The following HMGB1 variants were observed in gnomAD, a reference collection of about 807,000 sequenced individuals.
The protein encoded by HMGB1 is high mobility group protein B1.
For synonymous variants in HMGB1, 81 were observed against 84.0 expected (o/e 0.96, Z 0.19); for missense variants, 79 against 253.5 (o/e 0.31, Z 4.67).
chr13:30,464,419 CG>C (rs1337948523), intron 1 of HMGB1: 2 of 985,268 alleles, frequency 2.0e-6, no homozygotes, highest in Non-Finnish European at 2.4e-6. Context: ...TCCCCCAACT[CG>C]GGAAGTATTT....
chr13:30,495,289 A>G (rs1259035984), intron 1 of HMGB1, among the ~76,000 whole-genome samples: 1 of 152,118 alleles, frequency 6.6e-6, no homozygotes, highest in East Asian at 1.9e-4. Context: ...TGCAATTTCA[A>G]AGTCAAATAG....
At chr13:30,464,689 G>A (rs1312935940) in intron 1 of HMGB1, 3 of 955,720 alleles carry the variant, frequency 3.1e-6, no homozygotes, top group South Asian at 4.9e-5. Flanking sequence ...CGGAATGGCC[G>A]CTGCGCGTCT....
chr13:30,519,895 GCTTC>G (rs1888198900), intron 1 of HMGB1, among the ~76,000 whole-genome samples: 1 of 151,842 alleles, frequency 6.6e-6, no homozygotes, highest in African/African-American at 2.4e-5. Flanking sequence ...ATGAGATGAT[GCTTC>G]CTTATCACTT....
chr13:30,539,002 T>C (rs1868732475), intron 1 of HMGB1, among the ~76,000 whole-genome samples: 1 of 152,128 alleles, frequency 6.6e-6, no homozygotes, highest in Non-Finnish European at 1.5e-5. Context: ...GTTCAAGAGA[T>C]TCTCCTGCCT....
chr13:30,508,780 GCAAA>G (rs1299033347), intron 1 of HMGB1, among the ~76,000 whole-genome samples: 1 of 152,038 alleles, frequency 6.6e-6, no homozygotes, highest in African/African-American at 2.4e-5. Flanking sequence ...CAGACTATGT[GCAAA>G]CACTTTTTCA....
At chr13:30,613,321 C>A (rs1337068153) in intron 1 of HMGB1, among the ~76,000 whole-genome samples, 2 of 152,088 alleles carry the variant, frequency 1.3e-5, no homozygotes, top group South Asian at 2.1e-4. Flanking sequence ...CTGTGCCTAG[C>A]CTTACACATT....
intron 1 of HMGB1, among the ~76,000 whole-genome samples, chr13:30,552,301 T>G (rs1869463923): frequency 6.6e-6 from 1 of 152,228 alleles, no homozygotes; most frequent in African/African-American, 2.4e-5. Context: ...GACACTTTAC[T>G]CTTAAATTTT....
chr13:30,474,599 G>A (rs1298736318), intron 1 of HMGB1, among the ~76,000 whole-genome samples: 2 of 151,938 alleles, frequency 1.3e-5, no homozygotes, highest in Non-Finnish European at 2.9e-5. Flanking sequence ...CGGTCAAAGC[G>A]GTGTTTTAAA....
At chr13:30,569,965 A>G (rs1196760553) in intron 1 of HMGB1, among the ~76,000 whole-genome samples, 2 of 152,224 alleles carry the variant, frequency 1.3e-5, no homozygotes, top group Admixed American at 1.3e-4. Flanking sequence ...TAGCCTGCCT[A>G]GAAGTTTGTA....
chr13:30,514,250 G>T (rs1041007642), intron 1 of HMGB1, among the ~76,000 whole-genome samples: 3 of 151,442 alleles, frequency 2.0e-5, no homozygotes, highest in Non-Finnish European at 4.4e-5. Context: ...CATTGATTGA[G>T]TTATAAACCC....
intron 1 of HMGB1, among the ~76,000 whole-genome samples, chr13:30,604,750 T>C (rs1229783433): frequency 9.2e-5 from 14 of 152,140 alleles, no homozygotes; most frequent in Admixed American, 5.9e-4. Context: ...CTCTGCCTCC[T>C]GGGTTCACGC....
At chr13:30,546,382 G>A (rs757143612) in intron 1 of HMGB1, among the ~76,000 whole-genome samples, 1 of 152,208 alleles carries the variant, frequency 6.6e-6, no homozygotes, top group Non-Finnish European at 1.5e-5. Flanking sequence ...CCAAAATGCT[G>A]GGATTACAGG....
chr13:30,554,091 T>G, intron 1 of HMGB1: 1 of 1,298,724 alleles, frequency 7.7e-7, no homozygotes, highest in Non-Finnish European at 1.1e-6. Context: ...AGAAACGGGA[T>G]TCAATGTGAA....
At chr13:30,608,324 T>TAATAC (rs1409768124) in intron 1 of HMGB1, among the ~76,000 whole-genome samples, 1 of 152,186 alleles carries the variant, frequency 6.6e-6, no homozygotes, top group African/African-American at 2.4e-5. Flanking sequence ...ACTAATACAA[T>TAATAC]AATACATACT....
chr13:30,555,460 A>T (rs1190938085), intron 1 of HMGB1, among the ~76,000 whole-genome samples: 1 of 152,236 alleles, frequency 6.6e-6, no homozygotes, highest in East Asian at 1.9e-4. Context: ...GGCAGCATTA[A>T]ATATTTTTGT....
At chr13:30,549,905 CG>C (rs999961861) in intron 1 of HMGB1, among the ~76,000 whole-genome samples, 1 of 151,974 alleles carries the variant, frequency 6.6e-6, no homozygotes, top group Non-Finnish European at 1.5e-5. Context: ...TTAGTAGAGA[CG>C]GGGTTTTGCC....
At chr13:30,527,365 C>T (rs540243356) in intron 1 of HMGB1, among the ~76,000 whole-genome samples, 67 of 152,256 alleles carry the variant, frequency 4.4e-4, no homozygotes, top group African/African-American at 1.5e-3. Context: ...CCTTTGTCCC[C>T]ACCCTGAGAC....
At chr13:30,583,867 G>GAAAGAA (rs1490243639) in intron 1 of HMGB1, among the ~76,000 whole-genome samples, 1 of 146,022 alleles carries the variant, frequency 6.8e-6, no homozygotes, top group Non-Finnish European at 1.5e-5. Context: ...AAGAAAGAAA[G>GAAAGAA]AAGAAATCCT....
intron 1 of HMGB1, among the ~76,000 whole-genome samples, chr13:30,600,980 G>A (rs952644166): frequency 6.6e-6 from 1 of 152,170 alleles, no homozygotes; most frequent in Non-Finnish European, 1.5e-5. Flanking sequence ...ATGGCCTGAA[G>A]TAACTGAAGA....
Sources: gnomAD v4.1 joint callset for allele counts (sites outside exome capture counted in the v4.1 genomes callset) on GRCh38, gnomAD v4.1.1 for gene constraint, MANE v1.5 for transcripts, NCBI Gene and HGNC (gene_info 2026-07-23, HGNC 2026-07-21) for gene names.